The following CHM variants were observed in gnomAD, a reference collection of about 807,000 sequenced individuals.
The protein encoded by CHM is rab proteins geranylgeranyltransferase component A 1.
CHM carries 10 observed loss-of-function variants against 49.0 expected under a neutral mutation model. The observed-to-expected ratio is 0.20, with a 90% confidence interval of 0.13 to 0.35. CHM has a LOEUF of 0.35. Among genes scored for constraint, CHM ranks in the 10% least tolerant of loss-of-function variants. The pLI is 1.00. For synonymous variants in CHM, 184 were observed against 167.5 expected (o/e 1.10, Z -0.76); for missense variants, 455 against 478.4 (o/e 0.95, Z 0.46).
intron 1 of CHM, among the ~76,000 whole-genome samples, chrX:86,038,919 A>G (rs1389056663): frequency 8.9e-6 from 1 of 112,665 alleles, no homozygotes; most frequent in Non-Finnish European, 1.9e-5. Context: ...TCATCTTGAT[A>G]CTATGAGCTA....
rs1399976595 is a variant in CHM at position 85,864,315 on chromosome X, G to A, written c.*315C>T. On this transcript the variant is annotated 3_prime_UTR_variant, in exon 15 of 15. Transcript: ENST00000357749. Reference sequence around the variant, plus strand: ...AAAGTGGTAAGCAAAATTGTCCTAAGACCATGGAATTATTAACAATGCATA... The same window carrying A: ...AAAGTGGTAAGCAAAATTGTCCTAAAACCATGGAATTATTAACAATGCATA... 1 of 254,677 alleles carries A rather than the reference G, an allele frequency of 3.9e-6. No homozygotes were observed. Among genetic ancestry groups the A allele is most frequent in the Admixed American group, 5.9e-5 (1 of 17,079 alleles). 21.0% of individuals were successfully genotyped at this position (254,677 alleles called of 1,213,427 possible). A position where few individuals can be genotyped will look rare whatever the true frequency, so the allele number is the denominator to read the frequency against.
chrX:85,881,858 CAGTT>C (rs1466846736), intron 12 of CHM, among the ~76,000 whole-genome samples: 24 of 111,897 alleles, frequency 2.1e-4, no homozygotes, highest in African/African-American at 7.1e-4. Context: ...ATATTTATGA[CAGTT>C]AGATTAATTC....
chrX:85,976,662 A>T (rs763301058), intron 4 of CHM, among the ~76,000 whole-genome samples: 40 of 109,985 alleles, frequency 3.6e-4, no homozygotes, highest in Non-Finnish European at 5.3e-4. Flanking sequence ...GCCCAGAGAG[A>T]CTTCTGAGAT....
chrX:85,974,037 A>T (rs1931112925), intron 4 of CHM, among the ~76,000 whole-genome samples: 1 of 112,411 alleles, frequency 8.9e-6, no homozygotes, highest in Non-Finnish European at 1.9e-5. Flanking sequence ...TGGGAAGTAA[A>T]TTCAGCAAGA....
At chrX:85,948,827 C>T (rs1430884265) in intron 8 of CHM, among the ~76,000 whole-genome samples, 1 of 111,467 alleles carries the variant, frequency 9.0e-6, no homozygotes, top group Non-Finnish European at 1.9e-5. Context: ...AGTGTTACTA[C>T]TTTAGGATAA....
At chrX:85,984,496 A>G (rs747062431) in intron 2 of CHM, among the ~76,000 whole-genome samples, 10 of 112,133 alleles carry the variant, frequency 8.9e-5, no homozygotes, top group Non-Finnish European at 1.7e-4. Context: ...GAATGCTCAT[A>G]TATTTTGGTG....
At position 85,901,178 on chromosome X, in the gene CHM, T is replaced by A; in HGVS notation, c.1255A>T (p.Ile419Phe). The change falls in exon 10 of 15, where the codon ATT (isoleucine) becomes TTT (phenylalanine). Residue 419 changes from isoleucine (I) to phenylalanine (F), a missense_variant. Coordinates refer to ENST00000357749, the MANE Select transcript of CHM (RefSeq NM_000390.4). Reference sequence around the variant, plus strand: ...ATTCTCTGACCAAACTGATCTATAATTGCTTTACATCTATAAAGAAGATAA... The same window carrying A: ...ATTCTCTGACCAAACTGATCTATAAATGCTTTACATCTATAAAGAAGATAA... ...VDKESRKCKAIIDQFGQRIIS... is the reference protein window; with the variant it reads ...VDKESRKCKAFIDQFGQRIIS... 1 of 1,147,771 alleles carries A rather than the reference T, an allele frequency of 8.7e-7. No homozygotes were observed. Among genetic ancestry groups the A allele is most frequent in the Non-Finnish European group, 1.2e-6 (1 of 844,402 alleles). 94.6% of individuals were successfully genotyped at this position (1,147,771 alleles called of 1,213,427 possible).
chrX:85,866,695 G>A (rs963770427), intron 14 of CHM, among the ~76,000 whole-genome samples: 8 of 113,229 alleles, frequency 7.1e-5, no homozygotes, highest in African/African-American at 1.9e-4. Context: ...CACAGGGTTG[G>A]AACTGCCCAA....
chrX:85,871,304 C>CAAAAAAAAAAAAAAAAAAAAA (rs150005971), intron 14 of CHM, among the ~76,000 whole-genome samples: 3 of 62,069 alleles, frequency 4.8e-5, no homozygotes, highest in African/African-American at 2.1e-4. Flanking sequence ...AAGACTGTCT[C>CAAAAAAAAAAAAAAAAAAAAA]AAAAAAAAAA....
chrX:85,963,567 T>C (rs1258835996), intron 5 of CHM, 98 bp downstream of exon 5: 8 of 684,609 alleles, frequency 1.2e-5, no homozygotes, highest in Middle Eastern at 4.5e-4. Flanking sequence ...ACTATCTCTT[T>C]ACAAAACAAA....
rs1204463688 is a variant in CHM at position 85,961,418 on chromosome X, C to CAAA, written c.702+2244_702+2246dup. Among the ~76,000 whole-genome samples, 48 of 24,331 alleles carry CAAA rather than the reference C, an allele frequency of 2.0e-3. 3 individuals are homozygous for CAAA. The highest frequency in any genetic ancestry group is 6.2e-3 in the African/African-American group (43 of 6,969). The allele number at this position is 24,331 out of a possible 115,157, so 21.1% of individuals were successfully genotyped here. A position where few individuals can be genotyped will look rare whatever the true frequency, so the allele number is the denominator to read the frequency against. On this transcript the variant is annotated intron_variant, in intron 5 of 14. Transcript: ENST00000357749. The stretch of plus-strand genomic sequence containing the variant: ...CTGGCAACAGAGCAAGACTCTGTCT[C>CAAA]AAAAAAAAAAAAAAAAAAAAAAAAG...
intron 2 of CHM, among the ~76,000 whole-genome samples, chrX:85,988,109 C>T (rs1031941680): frequency 1.2e-4 from 14 of 112,050 alleles, no homozygotes; most frequent in African/African-American, 4.5e-4. Flanking sequence ...AAATCCTCAA[C>T]AAAATACTTG....
chrX:85,908,775 A>G (rs1025341544), intron 9 of CHM, among the ~76,000 whole-genome samples: 7 of 111,704 alleles, frequency 6.3e-5, no homozygotes, highest in Non-Finnish European at 1.9e-5. Flanking sequence ...TATAATTAAT[A>G]GCACAAGAAG....
chrX:85,868,055 T>TGTGTG, intron 14 of CHM, among the ~76,000 whole-genome samples: 1 of 90,903 alleles, frequency 1.1e-5, no homozygotes, highest in Non-Finnish European at 2.3e-5. Context: ...GTGTGTGTGT[T>TGTGTG]TGTAGTAAGA....
chrX:85,899,362 T>C (rs149252236), intron 11 of CHM, among the ~76,000 whole-genome samples: 2 of 111,642 alleles, frequency 1.8e-5, no homozygotes, highest in East Asian at 2.8e-4. Context: ...AGTGGACTTA[T>C]AGTCATTGCC....
chrX:86,028,869 A>G (rs1933940586), intron 1 of CHM, among the ~76,000 whole-genome samples: 1 of 111,753 alleles, frequency 8.9e-6, no homozygotes, highest in African/African-American at 3.3e-5. Flanking sequence ...AAACAGCACC[A>G]GTCTTTTGGC....
intron 9 of CHM, among the ~76,000 whole-genome samples, chrX:85,907,912 A>G (rs1463147000): frequency 8.9e-6 from 1 of 111,887 alleles, no homozygotes; most frequent in African/African-American, 3.2e-5. Flanking sequence ...CTTTTCTTAT[A>G]GAGAACTTAT....
chrX:85,984,837 G>A (rs1224682806), intron 2 of CHM, among the ~76,000 whole-genome samples: 1 of 112,020 alleles, frequency 8.9e-6, no homozygotes, highest in Non-Finnish European at 1.9e-5. Context: ...TGAAAGCCTT[G>A]GCCAAAGAGT....
chrX:85,920,554 C>CCAA (rs1161386517), intron 8 of CHM, among the ~76,000 whole-genome samples: 2 of 112,038 alleles, frequency 1.8e-5, no homozygotes, highest in East Asian at 5.6e-4. Flanking sequence ...GGGCACACAG[C>CCAA]CAACAACAAC....
Sources: gnomAD v4.1 joint callset for allele counts (sites outside exome capture counted in the v4.1 genomes callset) on GRCh38, gnomAD v4.1.1 for gene constraint, MANE v1.5 for transcripts, NCBI Gene and HGNC (gene_info 2026-07-23, HGNC 2026-07-21) for gene names.